VTI1A: variants seen among roughly 807,000 people sequenced by gnomAD.
VTI1A encodes the protein vesicle transport through interaction with t-SNAREs homolog 1A.
A neutral mutation model predicts 34.9 loss-of-function variants in VTI1A; 22 were observed. The observed-to-expected ratio is 0.63, with a 90% CI of 0.45 to 0.90. The LOEUF (loss-of-function observed/expected upper bound fraction) is 0.90. Ranked by LOEUF, VTI1A falls within the 40% of genes least tolerant of loss-of-function variation. VTI1A has a pLI of 0.00. For missense variants in VTI1A, 268 were observed against 275.6 expected (o/e 0.97, Z 0.20); for synonymous variants, 87 against 97.3 (o/e 0.89, Z 0.62).
chr10:112,548,736 GA>G, intron 5 of VTI1A: 1 of 1,412,864 alleles, frequency 7.1e-7, no homozygotes, highest in East Asian at 2.4e-5. Context: ...CTCATATCAC[GA>G]AGGGACCCAG....
intron 7 of VTI1A, among the ~76,000 whole-genome samples, chr10:112,811,038 CT>C (rs937563092): frequency 4.6e-5 from 7 of 152,216 alleles, no homozygotes; most frequent in Admixed American, 4.6e-4. Flanking sequence ...GGCCAGATGC[CT>C]CGTCTTGTCT....
chr10:112,599,962 A>G (rs1218367037), intron 5 of VTI1A, among the ~76,000 whole-genome samples: 1 of 152,156 alleles, frequency 6.6e-6, no homozygotes, highest in African/African-American at 2.4e-5. Flanking sequence ...AAATTATGCT[A>G]TGTGTTCATT....
intron 5 of VTI1A, among the ~76,000 whole-genome samples, chr10:112,637,076 G>T (rs1463573193): frequency 6.6e-6 from 1 of 152,054 alleles, no homozygotes; most frequent in African/African-American, 2.4e-5. Flanking sequence ...TGACATGAAG[G>T]CTTTTTTGAA....
intron 7 of VTI1A, among the ~76,000 whole-genome samples, chr10:112,763,664 G>A (rs1370769438): frequency 2.6e-5 from 4 of 152,180 alleles, no homozygotes; most frequent in Non-Finnish European, 5.9e-5. Flanking sequence ...AGACTTCGTA[G>A]CCCTGTGTTT....
At chr10:112,820,582 G>T (rs1339776480), downstream of VTI1A, among the ~76,000 whole-genome samples, 3 of 152,216 alleles carry the variant, frequency 2.0e-5, no homozygotes, top group African/African-American at 7.2e-5. Context: ...GCTCAGAAAA[G>T]CTCCTGAAGC....
intron 3 of VTI1A, among the ~76,000 whole-genome samples, chr10:112,497,925 ACTT>A (rs1849085909): frequency 1.3e-5 from 2 of 152,206 alleles, no homozygotes; most frequent in African/African-American, 4.8e-5. Context: ...TATTTGATTA[ACTT>A]CTTCTAAAAG....
chr10:112,737,493 G>A (rs1850529756), intron 7 of VTI1A: 1 of 1,050,878 alleles, frequency 9.5e-7, no homozygotes, highest in African/African-American at 1.7e-5. Flanking sequence ...CGCATCTTCT[G>A]TTCCCTGGGA....
chr10:112,568,268 A>G (rs995243749), intron 5 of VTI1A, among the ~76,000 whole-genome samples: 3 of 152,178 alleles, frequency 2.0e-5, no homozygotes, highest in African/African-American at 7.2e-5. Flanking sequence ...GCACTTTGAG[A>G]GGCCGAGGTG....
At chr10:112,773,233 G>T (rs1385334321) in intron 7 of VTI1A, among the ~76,000 whole-genome samples, 2 of 152,166 alleles carry the variant, frequency 1.3e-5, no homozygotes, top group African/African-American at 2.4e-5. Context: ...TCTAAGGTAG[G>T]ATAATAATAC....
intron 5 of VTI1A, among the ~76,000 whole-genome samples, chr10:112,543,977 T>C (rs916189701): frequency 6.6e-6 from 1 of 152,176 alleles, no homozygotes; most frequent in Non-Finnish European, 1.5e-5. Flanking sequence ...TTCTCAAAGA[T>C]TAGTTGATTG....
chr10:112,633,641 T>C lies in VTI1A; in HGVS notation c.428-34577T>C, dbSNP rs187136404. 3.9e-5 allele frequency among the ~76,000 whole-genome samples: 6 copies of C among 152,162 alleles called. No individual in the cohort carries two copies. In the East Asian group the frequency reaches 1.2e-3, roughly 29 times the overall value. The stretch of plus-strand genomic sequence containing the variant: ...AGGGCATTGCCCCCAAAAAGTAATG[T>C]CTCCCATGCAGAGAAGACTAGCATT... On this transcript the variant is annotated intron_variant, in intron 5 of 7. Transcript: ENST00000393077.
chr10:112,461,138 C>T (rs1031108490), intron 2 of VTI1A, among the ~76,000 whole-genome samples: 2 of 152,178 alleles, frequency 1.3e-5, no homozygotes, highest in African/African-American at 2.4e-5. Flanking sequence ...GCATCAGTTC[C>T]TGAGTCTGAA....
chr10:112,620,293 G>A lies in VTI1A; in HGVS notation c.428-47925G>A, dbSNP rs567179440. Among the ~76,000 whole-genome samples the A allele has an allele frequency of 7.9e-5, 12 of 152,256 alleles. No homozygotes were observed. In the East Asian group the frequency reaches 2.1e-3, roughly 27 times the overall value. ...TGCAATACATTGTACTAGGCACTGT[G>A]GATCTATGAAGAGGAAAGACACACT... On this transcript the variant is annotated intron_variant, in intron 5 of 7. Transcript: ENST00000393077.
At chr10:112,639,340 C>T (rs1249017078) in intron 5 of VTI1A, among the ~76,000 whole-genome samples, 1 of 152,172 alleles carries the variant, frequency 6.6e-6, no homozygotes, top group African/African-American at 2.4e-5. Context: ...AGGAGACTGA[C>T]TTTCTGATGC....
At chr10:112,818,870 G>A (rs941214942), downstream of VTI1A, 2 of 172,204 alleles carry the variant, frequency 1.2e-5, no homozygotes, top group Non-Finnish European at 2.5e-5. Flanking sequence ...GGTACTGTTG[G>A]AATATGAAAT....
chr10:112,520,627 G>A (rs1170927852), intron 3 of VTI1A, among the ~76,000 whole-genome samples: 1 of 111,222 alleles, frequency 9.0e-6, no homozygotes, highest in African/African-American at 3.7e-5. Context: ...CTATATGTGT[G>A]TGTGTGTGTG....
At chr10:112,584,727 A>G (rs1844081011) in intron 5 of VTI1A, among the ~76,000 whole-genome samples, 1 of 152,194 alleles carries the variant, frequency 6.6e-6, no homozygotes, top group East Asian at 1.9e-4. Context: ...TCTTTGCACC[A>G]ACCCGTGGAG....
At chr10:112,766,668 C>T (rs540920879) in intron 7 of VTI1A, among the ~76,000 whole-genome samples, 102 of 152,272 alleles carry the variant, frequency 6.7e-4, no homozygotes, top group Admixed American at 3.4e-3. Flanking sequence ...GAACTAAAAT[C>T]TCCCATTGGA....
chr10:112,834,882 C>T, the VTI1A span, among the ~76,000 whole-genome samples: 14 of 152,110 alleles, frequency 9.2e-5, no homozygotes, highest in South Asian at 2.1e-4. Context: ...TGGCAGCTTC[C>T]GGTGGGTACT....
Sources: gnomAD v4.1 joint callset for allele counts (sites outside exome capture counted in the v4.1 genomes callset) on GRCh38, gnomAD v4.1.1 for gene constraint, MANE v1.5 for transcripts, NCBI Gene and HGNC (gene_info 2026-07-23, HGNC 2026-07-21) for gene names.